ZNF540: variants seen among roughly 807,000 people sequenced by gnomAD.
ZNF540 encodes zinc finger protein 540, also known as CTD-3064H18.6.
In ZNF540, 3 loss-of-function variants were observed where a neutral mutation model predicts 11.8. That is an observed-to-expected ratio of 0.25 (90% CI 0.12 to 0.65). The LOEUF (loss-of-function observed/expected upper bound fraction) is 0.65, where lower values mean the gene tolerates loss of function less well. ZNF540 is among the 30% of genes least tolerant of loss of function. The probability of loss-of-function intolerance (pLI) is 0.83; values close to 1 mark genes in which losing one functional copy is unlikely to be tolerated. For missense variants in ZNF540, 709 were observed against 793.1 expected (o/e 0.89, Z 1.27); for synonymous variants, 247 against 259.0 (o/e 0.95, Z 0.45).
chr19:37,573,019 G>A (rs967719307), intron 1 of ZNF540, among the ~76,000 whole-genome samples: 2 of 151,990 alleles, frequency 1.3e-5, no homozygotes, highest in African/African-American at 4.8e-5. Context: ...ATTGATTATA[G>A]AATCTTCAAT....
rs2147148045 is a variant in ZNF540 at position 37,564,955 on chromosome 19, ATATGT to A, written c.-73+13291_-73+13295del. 4 of 1,611,694 alleles carry A rather than the reference ATATGT, an allele frequency of 2.5e-6. No homozygotes were observed. The East Asian group carries it at 8.9e-5, about 36-fold the overall frequency. Reference sequence around the variant, plus strand: ...TTTCACCTGTATGAATTCTTTGATGATATGTAAGTTGTGTAGCACGTACAAAGGTC... The same window carrying A: ...TTTCACCTGTATGAATTCTTTGATGAAAGTTGTGTAGCACGTACAAAGGTC... On this transcript the variant is annotated intron_variant, in intron 1 of 4. Coordinates refer to the ZNF540 transcript ENST00000592533.
chr19:37,591,122 G>C (rs1377816420), upstream of ZNF540, among the ~76,000 whole-genome samples: 1 of 152,130 alleles, frequency 6.6e-6, no homozygotes, highest in Non-Finnish European at 1.5e-5. Context: ...TCCCTGAAAT[G>C]GCCTAGAATA....
chr19:37,611,800 C>T lies in ZNF540; in HGVS notation c.520C>T (p.His174Tyr), dbSNP rs750317723. 1.2e-6 allele frequency: 2 copies of T among 1,613,994 alleles called. No homozygotes were observed. The highest frequency in any genetic ancestry group is 1.1e-5 in the South Asian group (1 of 91,066). ...CAATAGTGAGAAAAGCTGTGACTCACACTTGGTTCAACATGGGAAAATAGA... is the reference window on the plus strand; with the variant it reads ...CAATAGTGAGAAAAGCTGTGACTCATACTTGGTTCAACATGGGAAAATAGA... ...IHNSEKSCDS[H>Y]LVQHGKIDSD... The change falls in exon 5 of 5, where the codon CAC becomes TAC. Residue 174 changes from histidine (H) to tyrosine (Y), a missense_variant. Transcript: ENST00000316433.
chr19:37,557,782 G>A (rs1023416502), intron 1 of ZNF540, among the ~76,000 whole-genome samples: 2 of 152,062 alleles, frequency 1.3e-5, no homozygotes, highest in South Asian at 2.1e-4. Flanking sequence ...ACATCCATTC[G>A]CCAGAAGCAC....
At chr19:37,556,185 A>G (rs1568334243) in intron 1 of ZNF540, 1 of 690,080 alleles carries the variant, frequency 1.4e-6, no homozygotes, top group Non-Finnish European at 2.7e-6. Flanking sequence ...ACATAAATCA[A>G]CTGCAAAGGA....
At chr19:37,556,188 G>A in intron 1 of ZNF540, 1 of 687,618 alleles carries the variant, frequency 1.5e-6, no homozygotes, top group South Asian at 1.5e-5. Flanking sequence ...TAAATCAACT[G>A]CAAAGGAGAC....
chr19:37,557,945 T>C (rs1253826998), intron 1 of ZNF540, among the ~76,000 whole-genome samples: 1 of 152,038 alleles, frequency 6.6e-6, no homozygotes, highest in African/African-American at 2.4e-5. Context: ...TCCAGTTTCT[T>C]AGATAAATAG....
intron 1 of ZNF540, among the ~76,000 whole-genome samples, chr19:37,562,221 AAAAACAC>A (rs1457529477): frequency 1.3e-5 from 2 of 151,694 alleles, no homozygotes; most frequent in African/African-American, 4.8e-5. Flanking sequence ...TGCCTCTACT[AAAAACAC>A]AAAATTAGCC....
intron 1 of ZNF540, among the ~76,000 whole-genome samples, chr19:37,567,087 G>A (rs2042887946): frequency 1.3e-5 from 2 of 152,204 alleles, no homozygotes; most frequent in African/African-American, 4.8e-5. Context: ...TACCTGCATG[G>A]CTTGTTCCCT....
At chr19:37,597,742 T>C (rs1170208166) in intron 1 of ZNF540, among the ~76,000 whole-genome samples, 1 of 152,230 alleles carries the variant, frequency 6.6e-6, no homozygotes, top group Non-Finnish European at 1.5e-5. Flanking sequence ...ATGTTTTTTA[T>C]AGAGGACCAA....
chr19:37,600,655 G>A (rs1485565724), intron 3 of ZNF540, among the ~76,000 whole-genome samples: 1 of 152,126 alleles, frequency 6.6e-6, no homozygotes, highest in African/African-American at 2.4e-5. Context: ...TAACCAGTTT[G>A]TTTACAATCA....
rs199992812 is a variant in ZNF540, at chr19:37,611,524, A to T, written c.244A>T (p.Arg82Trp). ...TGRQCPGLLS[R>W]HKTKKLSSEK... is the part of the protein sequence containing the mutation. ...ATGTTTTCTTTCAGGTTTGTTATCC[A>T]GGCATAAGACCAAGAAATTATCTTC... Residue 82 changes from arginine to tryptophan, a missense_variant, in exon 5 of 5, where the codon AGG becomes TGG. Physicochemically the swap from Arg to Trp is moderately radical, Grantham distance 101. Coordinates refer to ENST00000316433, the MANE Select transcript of ZNF540 (RefSeq NM_001172225.3). 1.4e-5 allele frequency: 22 copies of T among 1,575,082 alleles called. No homozygotes were observed. Among genetic ancestry groups the T allele is most frequent in the Non-Finnish European group, 1.8e-5 (21 of 1,163,620 alleles).
chr19:37,606,960 T>C (rs1371834165), intron 4 of ZNF540, among the ~76,000 whole-genome samples: 1 of 152,108 alleles, frequency 6.6e-6, no homozygotes, highest in African/African-American at 2.4e-5. Context: ...AGAACTCTTT[T>C]TCTCATACAA....
rs565215148 is a variant in ZNF540, at chr19:37,567,604, C to A, written c.-73+15939C>A. ...TTAAGTTCCAAGAACATGTCAAATT[C>A]TTTCCCATTTTAGATTTTCCATATG... is the stretch of plus-strand genomic sequence containing the variant. On this transcript the variant is annotated intron_variant, in intron 1 of 4. Transcript: ENST00000592533. The A allele has an allele frequency of 4.6e-5, 7 of 152,286 alleles. No homozygotes were observed. The South Asian group carries it at 8.3e-4, about 18-fold the overall frequency. 9.4% of individuals were successfully genotyped at this position (152,286 alleles called of 1,614,324 possible).
Position 37,613,085 on chromosome 19 carries a change from C to T in ZNF540, c.1805C>T (p.Thr602Ile), listed in dbSNP as rs1057469976. ...CTTAGAATACATCAAAGAATTCATA[C>T]TGGTGAGAAACCCTATGAGTGTAAA... ...VDLRIHQRIH[T>I]GEKPYECKQC... The change falls in exon 5 of 5, where the codon ACT becomes ATT. Residue 602 changes from threonine (T) to isoleucine (I), a missense_variant. Transcript: ENST00000316433. 3.1e-6 allele frequency: 5 copies of T among 1,613,830 alleles called. No individual in the cohort carries two copies. In the African/African-American group the frequency reaches 4.0e-5, roughly 13 times the overall value.
At chr19:37,566,342 A>C (rs752344543) in intron 1 of ZNF540, 4 of 1,535,150 alleles carry the variant, frequency 2.6e-6, no homozygotes, top group Non-Finnish European at 1.7e-6. Context: ...AAGGAGAAAT[A>C]AAAATTCTAT....
chr19:37,588,292 AAAGC>A (rs1229339894), intron 1 of ZNF540, among the ~76,000 whole-genome samples: 3 of 152,136 alleles, frequency 2.0e-5, no homozygotes, highest in Non-Finnish European at 4.4e-5. Context: ...AGAAAATTAA[AAAGC>A]AAGAATTGGA....
chr19:37,608,693 C>G (rs2044103496), intron 4 of ZNF540, among the ~76,000 whole-genome samples: 1 of 152,170 alleles, frequency 6.6e-6, no homozygotes, highest in East Asian at 1.9e-4. Context: ...AGGTCTCAGT[C>G]TTTCGGTGCA....
chr19:37,602,973 T>C (rs950090483), intron 4 of ZNF540, among the ~76,000 whole-genome samples: 2 of 150,704 alleles, frequency 1.3e-5, no homozygotes, highest in African/African-American at 2.4e-5. Flanking sequence ...AAGAGGTTAG[T>C]AGCTAGAAGA....
Sources: gnomAD v4.1 joint callset for allele counts (sites outside exome capture counted in the v4.1 genomes callset) on GRCh38, gnomAD v4.1.1 for gene constraint, MANE v1.5 for transcripts, NCBI Gene and HGNC (gene_info 2026-07-23, HGNC 2026-07-21) for gene names.